The following ANKFN1 variants were observed in gnomAD, a reference collection of about 807,000 sequenced individuals.
The protein encoded by ANKFN1 is ankyrin repeat and fibronectin type-III domain-containing protein 1.
In ANKFN1, 74 loss-of-function variants were observed where a neutral mutation model predicts 108.7. That is an observed-to-expected ratio of 0.68 (90% CI 0.56 to 0.83). The LOEUF (loss-of-function observed/expected upper bound fraction) is 0.83. Ranked by LOEUF, ANKFN1 falls within the 40% of genes least tolerant of loss-of-function variation. The pLI is 0.00. For missense variants in ANKFN1, 1,505 were observed against 1,382.3 expected (o/e 1.09, Z -1.41); for synonymous variants, 547 against 516.2 (o/e 1.06, Z -0.81).
At chr17:56,270,592 T>C (rs1474387623) in intron 3 of ANKFN1, among the ~76,000 whole-genome samples, 1 of 152,102 alleles carries the variant, frequency 6.6e-6, no homozygotes, top group Admixed American at 6.5e-5. Flanking sequence ...GAGCATGCCC[T>C]CCCCTGGCTT....
intron 3 of ANKFN1, among the ~76,000 whole-genome samples, chr17:56,305,263 C>T (rs1461518000): frequency 6.6e-6 from 1 of 152,176 alleles, no homozygotes; most frequent in Non-Finnish European, 1.5e-5. Flanking sequence ...TGGCTCCCTC[C>T]CATGACACAT....
intron 3 of ANKFN1, among the ~76,000 whole-genome samples, chr17:56,244,587 G>T (rs947525526): frequency 6.6e-6 from 1 of 152,024 alleles, no homozygotes; most frequent in Non-Finnish European, 1.5e-5. Context: ...TATGTTTTTT[G>T]GATTTTTGTG....
chr17:56,381,464 G>A (rs1468998436), intron 8 of ANKFN1, among the ~76,000 whole-genome samples: 1 of 152,210 alleles, frequency 6.6e-6, no homozygotes, highest in East Asian at 1.9e-4. Context: ...GAGAGAAGAA[G>A]GCATCAGACG....
At chr17:56,205,447 C>A (rs1213995143) in intron 1 of ANKFN1, among the ~76,000 whole-genome samples, 1 of 152,176 alleles carries the variant, frequency 6.6e-6, no homozygotes, top group African/African-American at 2.4e-5. Context: ...TTTTATTGCT[C>A]CTGCTCTCTG....
At chr17:56,324,144 A>G (rs965949607) in intron 3 of ANKFN1, among the ~76,000 whole-genome samples, 1 of 152,214 alleles carries the variant, frequency 6.6e-6, no homozygotes, top group Non-Finnish European at 1.5e-5. Flanking sequence ...CAAAATAGCT[A>G]CAGCATGGAA....
At chr17:56,447,301 C>G (rs1282938583) in intron 10 of ANKFN1, among the ~76,000 whole-genome samples, 1 of 152,184 alleles carries the variant, frequency 6.6e-6, no homozygotes, top group African/African-American at 2.4e-5. Flanking sequence ...AGTCATGGTT[C>G]TTGACCACAA....
At chr17:56,210,586 T>A (rs1353896720) in intron 1 of ANKFN1, among the ~76,000 whole-genome samples, 1 of 152,240 alleles carries the variant, frequency 6.6e-6, no homozygotes, top group Non-Finnish European at 1.5e-5. Flanking sequence ...TGGATAGGAT[T>A]GTTTTTTTCT....
intron 6 of ANKFN1, among the ~76,000 whole-genome samples, chr17:56,355,867 T>G (rs1043741739): frequency 3.9e-5 from 6 of 152,128 alleles, no homozygotes; most frequent in African/African-American, 1.4e-4. Flanking sequence ...CACAGAGTTG[T>G]GCAGCCATCA....
chr17:56,379,656 T>C (rs991244652), intron 8 of ANKFN1, among the ~76,000 whole-genome samples: 5 of 152,210 alleles, frequency 3.3e-5, no homozygotes, highest in African/African-American at 1.2e-4. Context: ...TGTAAATGTG[T>C]TTGGCTCCTC....
intron 3 of ANKFN1, among the ~76,000 whole-genome samples, chr17:56,229,961 C>T (rs2143925768): frequency 6.6e-6 from 1 of 152,188 alleles, no homozygotes; most frequent in East Asian, 1.9e-4. Flanking sequence ...CAATCTTGAC[C>T]TGGGTTCTTT....
chr17:56,383,406 C>T (rs533371995), intron 8 of ANKFN1, among the ~76,000 whole-genome samples: 1 of 152,042 alleles, frequency 6.6e-6, no homozygotes, highest in Non-Finnish European at 1.5e-5. Context: ...ACGCTAATAT[C>T]ACAATTAAAA....
chr17:56,447,963 G>T (rs1446603427), intron 10 of ANKFN1, among the ~76,000 whole-genome samples: 1 of 152,160 alleles, frequency 6.6e-6, no homozygotes, highest in Non-Finnish European at 1.5e-5. Context: ...GGCCTTGGAT[G>T]AACCACTATG....
At chr17:56,346,641 T>C (rs1321042254) in intron 4 of ANKFN1, among the ~76,000 whole-genome samples, 2 of 152,030 alleles carry the variant, frequency 1.3e-5, no homozygotes, top group East Asian at 3.9e-4. Flanking sequence ...CTGAAAAAGT[T>C]AATTTTAGCC....
At chr17:56,348,452 A>G (rs889899988) in intron 4 of ANKFN1, among the ~76,000 whole-genome samples, 18 of 152,162 alleles carry the variant, frequency 1.2e-4, no homozygotes, top group African/African-American at 4.3e-4. Flanking sequence ...AAAAGAAACT[A>G]TCATCAGAGG....
chr17:56,123,323 A>G (rs1906730885), intron 4 of ANKFN1, among the ~76,000 whole-genome samples: 1 of 152,220 alleles, frequency 6.6e-6, no homozygotes, highest in Admixed American at 6.5e-5. Flanking sequence ...TGCCTTGAGC[A>G]TCTCAGAGAG....
At chr17:56,472,839 G>T (rs561446843) in intron 15 of ANKFN1, 1 of 152,286 alleles carries the variant, frequency 6.6e-6, no homozygotes, top group South Asian at 2.1e-4. Flanking sequence ...AGCCATGAGG[G>T]TAGTTAAGTT....
chr17:56,447,632 G>T (rs1271196292), intron 10 of ANKFN1, among the ~76,000 whole-genome samples: 1 of 152,130 alleles, frequency 6.6e-6, no homozygotes. Flanking sequence ...AATCTCTGAG[G>T]CCCCTTTCTT....
At chr17:56,080,289 A>G (rs1280928957) in intron 4 of ANKFN1, among the ~76,000 whole-genome samples, 5 of 152,196 alleles carry the variant, frequency 3.3e-5, no homozygotes, top group Non-Finnish European at 7.3e-5. Flanking sequence ...TATCTTATAG[A>G]TTTCCTTCCA....
chr17:56,361,852 T>A (rs2046529210), intron 6 of ANKFN1, among the ~76,000 whole-genome samples: 1 of 152,060 alleles, frequency 6.6e-6, no homozygotes, highest in Admixed American at 6.5e-5. Flanking sequence ...CTCTATGACA[T>A]GGCAGTTGGC....
Sources: allele counts gnomAD v4.1 joint callset (sites outside exome capture counted in the v4.1 genomes callset), GRCh38; gene constraint gnomAD v4.1.1; transcripts MANE v1.5; gene names NCBI Gene and HGNC (gene_info 2026-07-23, HGNC 2026-07-21).